Variants in UGT1A10 observed in about 807,000 individuals in gnomAD.
UGT1A10 encodes UDP-glucuronosyltransferase 1A10.
A neutral mutation model predicts 45.8 loss-of-function variants in UGT1A10; 49 were observed. The observed-to-expected ratio is 1.07, with a 90% CI of 0.85 to 1.36. The LOEUF is 1.36. UGT1A10 is among the 40% of genes most tolerant of loss of function. UGT1A10 has a pLI of 0.00. For synonymous variants in UGT1A10, 284 were observed against 249.7 expected (o/e 1.14, Z -1.29); for missense variants, 745 against 668.6 (o/e 1.11, Z -1.26).
Position 233,659,696 on chromosome 2 carries a change from C to G in UGT1A10, c.855+22319C>G, listed in dbSNP as rs945701732. On this transcript the variant is annotated intron_variant, in intron 1 of 4. Coordinates refer to ENST00000344644, the MANE Select transcript of UGT1A10 (RefSeq NM_019075.4). ...AATGGAAATACATCATAATTACTGT[C>G]TGACATTTTTGCTCTTTCAGTTCTT... 3.3e-5 allele frequency among the ~76,000 whole-genome samples: 5 copies of G among 152,164 alleles called. No homozygotes were observed. In the South Asian group the frequency reaches 1.0e-3, roughly 32 times the overall value.
intron 1 of UGT1A10, chr2:233,729,991 C>T (rs770784414): frequency 6.2e-6 from 10 of 1,613,902 alleles, no homozygotes; most frequent in Admixed American, 1.7e-5. Flanking sequence ...GCCACTATCT[C>T]AGGTCTGTAT....
At chr2:233,744,380 A>G (rs1168834333) in intron 1 of UGT1A10, among the ~76,000 whole-genome samples, 1 of 151,890 alleles carries the variant, frequency 6.6e-6, no homozygotes, top group Non-Finnish European at 1.5e-5. Context: ...GCAGTTCTCC[A>G]ACGTTCCAGC....
intron 1 of UGT1A10, among the ~76,000 whole-genome samples, chr2:233,666,372 C>T (rs955527179): frequency 2.0e-5 from 3 of 152,168 alleles, no homozygotes; most frequent in Non-Finnish European, 1.5e-5. Flanking sequence ...TATGCTCAAT[C>T]TTTTTCATTG....
At chr2:233,724,116 G>A (rs1387797895) in intron 1 of UGT1A10, among the ~76,000 whole-genome samples, 1 of 116,526 alleles carries the variant, frequency 8.6e-6, no homozygotes, top group Non-Finnish European at 1.7e-5. Flanking sequence ...GCCGGGCAGA[G>A]GCGCCCCTCA....
chr2:233,719,365 T>C, intron 1 of UGT1A10: 1 of 1,613,926 alleles, frequency 6.2e-7, no homozygotes. Context: ...GACTTAGACT[T>C]TAAGGGCACA....
In UGT1A10 at chr2:233,649,676, C is replaced by A. The variant is rs567059188; in HGVS notation, c.855+12299C>A. Among the ~76,000 whole-genome samples the A allele has an allele frequency of 6.6e-5, 10 of 152,296 alleles. No individual in the cohort carries two copies. The South Asian group carries it at 2.1e-3, about 32-fold the overall frequency. On this transcript the variant is annotated intron_variant, in intron 1 of 4. Coordinates refer to ENST00000344644, the MANE Select transcript of UGT1A10 (RefSeq NM_019075.4). ...CTTTACTTTGGATGCAACATAGACA[C>A]AAGCTTTCCCAGGTGTTTTTCTGCT... is the stretch of plus-strand genomic sequence containing the variant.
chr2:233,713,742 C>T lies in UGT1A10; in HGVS notation c.856-53292C>T, dbSNP rs138898755. 43 of 1,613,022 alleles carry T rather than the reference C, an allele frequency of 2.7e-5. No individual in the cohort carries two copies. The Middle Eastern group carries it at 5.0e-4, about 19-fold the overall frequency. On this transcript the variant is annotated intron_variant, in intron 1 of 4. Transcript: ENST00000344644. ...GGTGTCAGTGGTGGATCTTGTCAGC[C>T]ATGCATCTGTGTGGCTGTTCCGAGG...
At position 233,769,585 on chromosome 2, in the gene UGT1A10, G is replaced by A; in HGVS notation, c.1295+1146G>A. On this transcript the variant is annotated intron_variant, in intron 4 of 4. Transcript: ENST00000344644. This position sits in a 1 kb window ranked among gnomAD's most constrained non-coding sequence, Gnocchi z 4.4. ...GAAGAGCTGGAGCATGTTCAGATGA[G>A]AGGAGACGGAACACGGGGACACACC... is the stretch of plus-strand genomic sequence containing the variant. 1.2e-6 allele frequency: 2 copies of A among 1,612,920 alleles called. No individual in the cohort carries two copies. Among genetic ancestry groups the A allele is most frequent in the Non-Finnish European group, 1.7e-6 (2 of 1,179,890 alleles).
intron 1 of UGT1A10, among the ~76,000 whole-genome samples, chr2:233,704,320 T>G (rs907259559): frequency 1.3e-5 from 2 of 151,752 alleles, no homozygotes; most frequent in African/African-American, 2.4e-5. Context: ...CTTTAATGTT[T>G]TTCTTTCCAC....
chr2:233,725,481 C>T (rs1370890816), intron 1 of UGT1A10, among the ~76,000 whole-genome samples: 11 of 151,704 alleles, frequency 7.3e-5, no homozygotes, highest in Non-Finnish European at 1.5e-4. Context: ...TGTTAGAAAC[C>T]AGCAAAAAGA....
chr2:233,692,988 C>T, intron 1 of UGT1A10: 1 of 1,613,764 alleles, frequency 6.2e-7, no homozygotes. Context: ...ACCGTTGTTA[C>T]TTTAACTCTT....
chr2:233,672,147 T>A, intron 1 of UGT1A10: 1 of 1,614,166 alleles, frequency 6.2e-7, no homozygotes, highest in Non-Finnish European at 8.5e-7. Context: ...GATCACTGAA[T>A]TGCACAGTGA....
intron 1 of UGT1A10, among the ~76,000 whole-genome samples, chr2:233,661,576 G>A (rs1267253836): frequency 6.6e-6 from 1 of 151,660 alleles, no homozygotes; most frequent in Non-Finnish European, 1.5e-5. Flanking sequence ...TGGAAAAAGT[G>A]CAAGGTTTGA....
At chr2:233,689,171 A>G (rs1031704673) in intron 1 of UGT1A10, among the ~76,000 whole-genome samples, 7 of 152,202 alleles carry the variant, frequency 4.6e-5, no homozygotes, top group African/African-American at 1.7e-4. Flanking sequence ...ATCTTCTACT[A>G]GGACAGGTGC....
rs942942748 is a variant in UGT1A10, at chr2:233,747,245, G to A, written c.856-19789G>A. 1.9e-6 allele frequency: 3 copies of A among 1,602,546 alleles called. No individual in the cohort carries two copies. In the African/African-American group the frequency reaches 4.0e-5, roughly 22 times the overall value. On this transcript the variant is annotated intron_variant, in intron 1 of 4. Transcript: ENST00000344644. ...ACAGGACCCCAGGTTCCCCTGCTGT[G>A]GCTGGCCACAGGAGTGCTACTCCTT... is the stretch of plus-strand genomic sequence containing the variant.
At chr2:233,644,500 G>A (rs1025970525) in intron 1 of UGT1A10, among the ~76,000 whole-genome samples, 17 of 152,136 alleles carry the variant, frequency 1.1e-4, no homozygotes, top group Non-Finnish European at 2.2e-4. Context: ...GGCAGAGGCT[G>A]CAGTGAGCCA....
chr2:233,734,300 G>GAAGA (rs2078508632), intron 1 of UGT1A10, among the ~76,000 whole-genome samples: 1 of 152,112 alleles, frequency 6.6e-6, no homozygotes, highest in Non-Finnish European at 1.5e-5. Context: ...AGATTTTCTA[G>GAAGA]TTTATTTGTG....
At chr2:233,644,852 T>C (rs2073557074) in intron 1 of UGT1A10, among the ~76,000 whole-genome samples, 1 of 152,166 alleles carries the variant, frequency 6.6e-6, no homozygotes, top group South Asian at 2.1e-4. Flanking sequence ...TGAGTTTTGG[T>C]TCTTATGAAG....
chr2:233,760,713 A>G (rs1697537023), intron 1 of UGT1A10: 3 of 1,614,082 alleles, frequency 1.9e-6, no homozygotes, highest in African/African-American at 2.7e-5. Context: ...CCCTGGCAGA[A>G]AGCAGCTTTG....
Sources: gnomAD v4.1 joint callset for allele counts (sites outside exome capture counted in the v4.1 genomes callset) on GRCh38, gnomAD v4.1.1 for gene constraint, Gnocchi (gnomAD v3.1) non-coding constraint, MANE v1.5 for transcripts, NCBI Gene and HGNC (gene_info 2026-07-23, HGNC 2026-07-21) for gene names.